Variants in PWWP2A observed in about 807,000 individuals in gnomAD.
The protein encoded by PWWP2A is PWWP domain-containing protein 2A.
In PWWP2A, 18 loss-of-function variants were observed where a neutral mutation model predicts 48.5. The ratio of observed to expected loss-of-function variants is 0.37; its 90% confidence interval spans 0.26 to 0.55. The LOEUF (loss-of-function observed/expected upper bound fraction) is 0.55. Among genes scored for constraint, PWWP2A ranks in the 20% least tolerant of loss-of-function variants. The pLI is 0.81. For synonymous variants in PWWP2A, 396 were observed against 387.7 expected (o/e 1.02, Z -0.25); for missense variants, 867 against 976.4 (o/e 0.89, Z 1.49).
intron 1 of PWWP2A, among the ~76,000 whole-genome samples, chr5:160,094,975 G>C (rs1044716918): frequency 7.6e-6 from 1 of 131,948 alleles, no homozygotes; most frequent in East Asian, 2.5e-4. Flanking sequence ...GTGAACCCAA[G>C]AGGCAGAGCT....
chr5:160,097,464 T>C (rs1224300217), intron 1 of PWWP2A, among the ~76,000 whole-genome samples: 1 of 149,558 alleles, frequency 6.7e-6, no homozygotes, highest in Non-Finnish European at 1.5e-5. Flanking sequence ...ACCCCGTCTC[T>C]ACTAAAAATA....
intron 1 of PWWP2A, chr5:160,113,264 CCT>C (rs1757777213): frequency 3.1e-6 from 3 of 979,372 alleles, no homozygotes; most frequent in Non-Finnish European, 3.6e-6. Context: ...ATGTCCAGCT[CCT>C]TTTTTTTCAC....
In PWWP2A at chr5:160,092,428, TGCTTGG is replaced by T; in HGVS notation, c.2216_2221del (p.Ala739_Gln741delinsGlu). Reference sequence around the variant, plus strand: ...CAAAGCCCGCACTTCGGGGGTCAGCTGCTTGGCAGCCTTAGCTGCCTCTGTGATAGC... The same window carrying T: ...CAAAGCCCGCACTTCGGGGGTCAGCTCAGCCTTAGCTGCCTCTGTGATAGC... On this transcript the variant is annotated inframe_deletion, in exon 2 of 2. Transcript: ENST00000307063. 6.4e-7 allele frequency: 1 copy of T among 1,550,558 alleles called. No homozygotes were observed. The highest frequency in any genetic ancestry group is 2.4e-5 in the East Asian group (1 of 40,904).
chr5:160,118,703 C>T (rs1758395086), intron 1 of PWWP2A, 102 bp downstream of exon 1: 6 of 1,194,696 alleles, frequency 5.0e-6, no homozygotes, highest in South Asian at 2.3e-5. Flanking sequence ...GGCGGGGCCC[C>T]GGGCAGCGGG....
the PWWP2A span, among the ~76,000 whole-genome samples, chr5:160,055,034 G>T: frequency 6.6e-6 from 1 of 152,132 alleles, no homozygotes; most frequent in Non-Finnish European, 1.5e-5. Context: ...CTTCCTGGGG[G>T]TTGGTTCTTT....
chr5:160,046,523 C>G, the PWWP2A span, among the ~76,000 whole-genome samples: 1 of 152,052 alleles, frequency 6.6e-6, no homozygotes, highest in Non-Finnish European at 1.5e-5. Context: ...CCTAAGTGAT[C>G]TCATTCAGTT....
intron 1 of PWWP2A, among the ~76,000 whole-genome samples, chr5:160,095,047 C>CAAAAAAAAAAAAAAAAAAAAAAAA (rs70987998): frequency 3.2e-5 from 1 of 30,874 alleles, no homozygotes; most frequent in Non-Finnish European, 5.5e-5. Context: ...GACTCTGTCT[C>CAAAAAAAAAAAAAAAAAAAAAAAA]AAAAAAAAAA....
At chr5:160,064,850 C>T (rs1260615838) in intron 4 of PWWP2A, 3 of 1,409,218 alleles carry the variant, frequency 2.1e-6, no homozygotes, top group Admixed American at 2.2e-5. Flanking sequence ...ATTTTGTACT[C>T]AGTGGTAAGG....
At chr5:160,070,840 G>A (rs1052218649) in intron 2 of PWWP2A, among the ~76,000 whole-genome samples, 3 of 152,204 alleles carry the variant, frequency 2.0e-5, no homozygotes, top group Non-Finnish European at 4.4e-5. Context: ...CATAAATGCT[G>A]AGAGTTGCAG....
At chr5:160,108,484 C>T in intron 1 of PWWP2A, 1 of 743,310 alleles carries the variant, frequency 1.3e-6, no homozygotes, top group Non-Finnish European at 2.0e-6. Flanking sequence ...AAGCATACTA[C>T]TTGAGGGCCT....
At chr5:160,115,553 C>T (rs965121333) in intron 1 of PWWP2A, among the ~76,000 whole-genome samples, 15 of 152,040 alleles carry the variant, frequency 9.9e-5, no homozygotes, top group African/African-American at 3.1e-4. Context: ...ATTAGCCGGG[C>T]GTGGTGGCGG....
intron 1 of PWWP2A, chr5:160,113,171 G>T: frequency 3.3e-6 from 3 of 916,428 alleles, no homozygotes; most frequent in East Asian, 1.2e-4. Context: ...AAAAAAAAAA[G>T]AAAAAAAGCC....
Position 160,078,175 on chromosome 5 carries a change from T to C in PWWP2A, c.1670-7A>G, listed in dbSNP as rs751060820. 23 of 1,552,812 alleles carry C rather than the reference T, an allele frequency of 1.5e-5. No homozygotes were observed. Among genetic ancestry groups the C allele is most frequent in the African/African-American group, 4.1e-5 (3 of 73,270 alleles). On this transcript the variant is annotated splice_region_variant and splice_polypyrimidine_tract_variant and intron_variant, in intron 3 of 3. Coordinates refer to the PWWP2A transcript ENST00000456329. This position sits in a 1 kb window ranked among gnomAD's most constrained non-coding sequence, Gnocchi z 4.2. ...GCCTGCTAATGTCTTTGTGCTGAAA[T>C]ATAGTAAAGAAAAGGAAGAAAATGT...
At chr5:160,061,504 T>C (rs1481148617), downstream of PWWP2A, among the ~76,000 whole-genome samples, 2 of 152,240 alleles carry the variant, frequency 1.3e-5, no homozygotes, top group Non-Finnish European at 2.9e-5. Context: ...CACACACATG[T>C]AATTAGTACA....
intron 4 of PWWP2A, among the ~76,000 whole-genome samples, chr5:160,066,296 A>ATTTTTTTTTT (rs59262456): frequency 0.052 from 4,913 of 94,280 alleles, 630 homozygotes; most frequent in African/African-American, 0.13. Flanking sequence ...AGTGGTTCTC[A>ATTTTTTTTTT]TTTTTTTTTT....
At chr5:160,098,104 A>G (rs1239287994) in intron 1 of PWWP2A, among the ~76,000 whole-genome samples, 2 of 152,206 alleles carry the variant, frequency 1.3e-5, no homozygotes, top group Admixed American at 6.5e-5. Context: ...AGCTGTTTAT[A>G]TCAAGTAATG....
downstream of PWWP2A, among the ~76,000 whole-genome samples, chr5:160,087,850 TGAGTA>T (rs1410215508): frequency 1.3e-5 from 2 of 152,214 alleles, no homozygotes; most frequent in African/African-American, 4.8e-5. Context: ...GTCTCTTACT[TGAGTA>T]AAGATAAGAC....
At chr5:160,076,217 T>C (rs2113452247) in exon 4 of PWWP2A, 1 of 152,306 alleles carries the variant, frequency 6.6e-6, no homozygotes, top group South Asian at 2.1e-4. Context: ...TAAAACCTGA[T>C]CTCTCCCAAT....
At chr5:160,105,109 AGGCCTGTAGTCCCT>A (rs1210978746) in intron 1 of PWWP2A, among the ~76,000 whole-genome samples, 1 of 152,104 alleles carries the variant, frequency 6.6e-6, no homozygotes, top group East Asian at 1.9e-4. Flanking sequence ...GTGGAGGCAC[AGGCCTGTAGTCCCT>A]GCTATTCAGA....
Sources: allele counts gnomAD v4.1 joint callset (sites outside exome capture counted in the v4.1 genomes callset), GRCh38; gene constraint gnomAD v4.1.1; non-coding constraint Gnocchi (gnomAD v3.1); transcripts MANE v1.5; gene names NCBI Gene and HGNC (gene_info 2026-07-23, HGNC 2026-07-21).